GOLGA4: variants seen among roughly 807,000 people sequenced by gnomAD.
GOLGA4 encodes the protein golgin subfamily A member 4.
GOLGA4 carries 169 observed loss-of-function variants against 265.9 expected under a neutral mutation model. The observed-to-expected ratio is 0.64, with a 90% confidence interval of 0.56 to 0.72. The LOEUF is 0.72. Ranked by LOEUF, GOLGA4 falls within the 30% of genes least tolerant of loss-of-function variation. GOLGA4 has a pLI of 0.00. For missense variants in GOLGA4, 2,482 were observed against 2,483.4 expected (o/e 1.00, Z 0.01); for synonymous variants, 923 against 855.8 (o/e 1.08, Z -1.37).
intron 22 of GOLGA4, among the ~76,000 whole-genome samples, chr3:37,357,976 C>T (rs1160669719): frequency 6.6e-6 from 1 of 152,114 alleles, no homozygotes; most frequent in African/African-American, 2.4e-5. Flanking sequence ...GCTATGGTTT[C>T]ACTTCTATTA....
chr3:37,342,315 G>C (rs1396720956), intron 20 of GOLGA4, among the ~76,000 whole-genome samples: 1 of 152,150 alleles, frequency 6.6e-6, no homozygotes, highest in Non-Finnish European at 1.5e-5. Context: ...CTGGACTCCA[G>C]CCTGGGCAAC....
chr3:37,270,783 A>G (rs2096796525), intron 2 of GOLGA4, among the ~76,000 whole-genome samples: 1 of 152,064 alleles, frequency 6.6e-6, no homozygotes, highest in African/African-American at 2.4e-5. Context: ...TTTTCCATGA[A>G]CTGGGGGCAC....
chr3:37,328,150 GA>G (rs1306296795), intron 14 of GOLGA4, among the ~76,000 whole-genome samples: 2 of 147,202 alleles, frequency 1.4e-5, no homozygotes, highest in Non-Finnish European at 3.0e-5. Flanking sequence ...GATGTGTTTT[GA>G]AAAAAAAATT....
chr3:37,288,103 A>ATT (rs1203747752), intron 4 of GOLGA4, among the ~76,000 whole-genome samples: 7,845 of 118,530 alleles, frequency 0.066, 622 homozygotes, highest in African/African-American at 0.14. Context: ...TAGCTTCTTG[A>ATT]TTTTTTTTTT....
intron 13 of GOLGA4, 107 bp from the exon 14 acceptor site, chr3:37,323,481 G>T: frequency 1.5e-6 from 1 of 660,284 alleles, no homozygotes; most frequent in South Asian, 2.3e-5. Flanking sequence ...CTAGTGTTTG[G>T]TATGATAATT....
At position 37,279,688 on chromosome 3, in the gene GOLGA4, C is replaced by G. The variant is rs1413852222; in HGVS notation, c.163-2270C>G. 1.1e-4 allele frequency among the ~76,000 whole-genome samples: 16 copies of G among 152,190 alleles called. 1 individual carries two copies. The East Asian group carries it at 3.1e-3, about 29-fold the overall frequency. ...TTCGGAGGCTGAGGTCGGCAGATCA[C>G]CTGAGGTCAGGAGTTCGAGACCAGC... is the stretch of plus-strand genomic sequence containing the variant. On this transcript the variant is annotated intron_variant, in intron 2 of 23. Transcript: ENST00000361924.
At chr3:37,275,759 G>A in intron 2 of GOLGA4, 3 of 1,613,278 alleles carry the variant, frequency 1.9e-6, no homozygotes, top group Non-Finnish European at 2.5e-6. Context: ...GAACGCGGCT[G>A]GAGCATTGGA....
intron 2 of GOLGA4, among the ~76,000 whole-genome samples, chr3:37,279,309 C>T (rs770738087): frequency 2.0e-5 from 3 of 152,228 alleles, no homozygotes; most frequent in Non-Finnish European, 2.9e-5. Context: ...AAACTTCACA[C>T]CTCACCTCGT....
chr3:37,278,840 T>TG (rs2096826791), intron 2 of GOLGA4, among the ~76,000 whole-genome samples: 1 of 147,328 alleles, frequency 6.8e-6, no homozygotes, highest in Non-Finnish European at 1.5e-5. Context: ...TGAGACAGAG[T>TG]CTCTCTGTGT....
chr3:37,316,956 T>C (rs1188960794), intron 11 of GOLGA4, among the ~76,000 whole-genome samples: 5 of 152,166 alleles, frequency 3.3e-5, no homozygotes, highest in Non-Finnish European at 7.4e-5. Context: ...CAGCATGTTA[T>C]ATAGAATGTT....
At chr3:37,281,634 C>T (rs1296368362) in intron 2 of GOLGA4, among the ~76,000 whole-genome samples, 2 of 152,164 alleles carry the variant, frequency 1.3e-5, no homozygotes, top group African/African-American at 4.8e-5. Flanking sequence ...TGAATCCTCA[C>T]AATACACCTG....
intron 22 of GOLGA4, among the ~76,000 whole-genome samples, chr3:37,356,250 C>G (rs1001265946): frequency 1.3e-5 from 2 of 152,074 alleles, no homozygotes; most frequent in Admixed American, 1.3e-4. Context: ...CACTTACAGC[C>G]TTTTATGAAG....
chr3:37,355,727 C>G (rs1465419304), intron 22 of GOLGA4, among the ~76,000 whole-genome samples: 1 of 152,046 alleles, frequency 6.6e-6, no homozygotes, highest in East Asian at 1.9e-4. Context: ...GAAACACACA[C>G]TTTGTAAATT....
chr3:37,248,278 ATGG>A (rs1488291697), intron 1 of GOLGA4, among the ~76,000 whole-genome samples: 10 of 152,160 alleles, frequency 6.6e-5, no homozygotes, highest in African/African-American at 2.4e-4. Context: ...CACAGCTAAA[ATGG>A]TTTTTCTTAC....
At chr3:37,353,779 T>TG (rs1305949454) in intron 21 of GOLGA4, among the ~76,000 whole-genome samples, 1 of 151,964 alleles carries the variant, frequency 6.6e-6, no homozygotes, top group Non-Finnish European at 1.5e-5. Context: ...TTTGTAGAGA[T>TG]GGGGGTCTCA....
At position 37,325,776 on chromosome 3, in the gene GOLGA4, A is replaced by G. The variant is rs1414999097; in HGVS notation, c.3890A>G (p.His1297Arg). The change falls in exon 14 of 24, where the codon CAT becomes CGT. Residue 1297 changes from histidine to arginine, a missense_variant. Coordinates refer to ENST00000361924, the MANE Select transcript of GOLGA4 (RefSeq NM_002078.5). ...TLNISFQQAT[H>R]QLEEKENQIK... ...AATATTTCTTTTCAACAGGCTACTC[A>G]TCAGTTAGAAGAAAAAGAAAATCAA... 3 of 1,613,322 alleles carry G rather than the reference A, an allele frequency of 1.9e-6. No homozygotes were observed. Among genetic ancestry groups the G allele is most frequent in the African/African-American group, 2.7e-5 (2 of 74,884 alleles).
At position 37,362,431 on chromosome 3, in the gene GOLGA4, G is replaced by A. The variant is rs1185530255; in HGVS notation, c.*33+1126G>A. 1.1e-4 allele frequency among the ~76,000 whole-genome samples: 17 copies of A among 151,050 alleles called. No individual in the cohort carries two copies. The East Asian group carries it at 2.9e-3, about 26-fold the overall frequency. On this transcript the variant is annotated intron_variant, in intron 23 of 23. Transcript: ENST00000361924. ...TTTTGTATTTTTTTTTAGTAGAGAC[G>A]GGGTTTCACCGTTTTAGCCAGGATG... is the stretch of plus-strand genomic sequence containing the variant.
intron 2 of GOLGA4, among the ~76,000 whole-genome samples, chr3:37,263,120 A>G (rs1482092400): frequency 2.0e-5 from 3 of 152,228 alleles, no homozygotes; most frequent in South Asian, 2.1e-4. Context: ...TAGTTTTACT[A>G]TGCTTATTCT....
At position 37,324,431 on chromosome 3, in the gene GOLGA4, A is replaced by C; in HGVS notation, c.2545A>C (p.Lys849Gln). The C allele has an allele frequency of 6.2e-7, 1 of 1,614,212 alleles. No homozygotes were observed. The change falls in exon 14 of 24, where the codon AAG (lysine) becomes CAG (glutamine). Residue 849 changes from lysine (K) to glutamine (Q), a missense_variant. Lys to Gln is a moderately conservative substitution (Grantham distance 53). Coordinates refer to ENST00000361924, the MANE Select transcript of GOLGA4 (RefSeq NM_002078.5). ...ACAGGTTGCTGAAGTTGAAGCACAA[A>C]AGAAAGATGTTTGTACTGAGTTAGA... ...TKQVAEVEAQKKDVCTELDAH... is the reference protein window; with the variant it reads ...TKQVAEVEAQQKDVCTELDAH...
Sources: gnomAD v4.1 joint callset for allele counts (sites outside exome capture counted in the v4.1 genomes callset) on GRCh38, gnomAD v4.1.1 for gene constraint, MANE v1.5 for transcripts, NCBI Gene and HGNC (gene_info 2026-07-23, HGNC 2026-07-21) for gene names.